HS6ST3: variants seen among roughly 807,000 people sequenced by gnomAD.
HS6ST3 encodes the protein heparan sulfate 6-O-sulfotransferase 3.
HS6ST3 carries 12 observed loss-of-function variants against 36.7 expected under a neutral mutation model. That is an observed-to-expected ratio of 0.33 (90% CI 0.21 to 0.53). HS6ST3 has a LOEUF of 0.53. HS6ST3 is among the 20% of genes least tolerant of loss of function. HS6ST3 has a pLI of 0.95. For missense variants in HS6ST3, 584 were observed against 640.9 expected (o/e 0.91, Z 0.96); for synonymous variants, 240 against 257.5 (o/e 0.93, Z 0.65).
At chr13:96,321,858 T>C (rs9554340) in intron 1 of HS6ST3, among the ~76,000 whole-genome samples, 55,042 of 151,994 alleles carry the variant, frequency 0.36, 10,301 homozygotes, top group African/African-American at 0.43. Flanking sequence ...GTTACAGCCA[T>C]GAATCTCAAA....
chr13:96,504,491 G>T (rs1321694418), intron 1 of HS6ST3, among the ~76,000 whole-genome samples: 1 of 152,084 alleles, frequency 6.6e-6, no homozygotes, highest in Non-Finnish European at 1.5e-5. Context: ...ATGTAGACAG[G>T]AAAAGGAGAC....
At chr13:96,266,992 CAT>C (rs1326267716) in intron 1 of HS6ST3, among the ~76,000 whole-genome samples, 1 of 152,190 alleles carries the variant, frequency 6.6e-6, no homozygotes, top group Non-Finnish European at 1.5e-5. Flanking sequence ...ATAATCACCA[CAT>C]GTCATGGGAG....
At chr13:96,251,043 G>A (rs2054605542) in intron 1 of HS6ST3, among the ~76,000 whole-genome samples, 1 of 152,156 alleles carries the variant, frequency 6.6e-6, no homozygotes, top group Admixed American at 6.5e-5. Context: ...ATACTGACCT[G>A]TAATTTTCTT....
At chr13:96,095,000 G>A (rs1394415546) in intron 1 of HS6ST3, among the ~76,000 whole-genome samples, 1 of 152,058 alleles carries the variant, frequency 6.6e-6, no homozygotes, top group East Asian at 1.9e-4. Context: ...TAGCATTCTT[G>A]AGTATATATA....
intron 1 of HS6ST3, among the ~76,000 whole-genome samples, chr13:96,743,868 G>T (rs1876501174): frequency 6.6e-6 from 1 of 151,988 alleles, no homozygotes; most frequent in African/African-American, 2.4e-5. Context: ...TTGGAGCATG[G>T]TACTACAAAT....
chr13:96,645,774 A>G (rs1335696592), intron 1 of HS6ST3, among the ~76,000 whole-genome samples: 1 of 151,796 alleles, frequency 6.6e-6, no homozygotes, highest in African/African-American at 2.4e-5. Context: ...CAGGCAAGAG[A>G]ATTTGAACTC....
intron 1 of HS6ST3, among the ~76,000 whole-genome samples, chr13:96,203,363 T>C (rs1338378032): frequency 2.6e-5 from 4 of 152,040 alleles, no homozygotes; most frequent in Non-Finnish European, 5.9e-5. Flanking sequence ...CCCTCTGGGG[T>C]CTCTTTTATC....
intron 1 of HS6ST3, among the ~76,000 whole-genome samples, chr13:96,423,176 C>T (rs1236311586): frequency 2.0e-5 from 3 of 152,124 alleles, no homozygotes; most frequent in African/African-American, 7.2e-5. Context: ...GAATGAGGGT[C>T]CCCTCTTCAT....
Position 96,091,099 on chromosome 13 carries a change from C to G in HS6ST3, c.237C>G (p.Pro79=). Residue 79 remains proline (P), a synonymous_variant, in exon 1 of 2, where the codon CCC becomes CCG. Coordinates refer to ENST00000376705, the MANE Select transcript of HS6ST3 (RefSeq NM_153456.4). ...TGCCCCCGCCGCCCCGGGGGCCCCCCGAGGGACCTCGGGGGGCCGCGGCGC... is the reference window on the plus strand; with the variant it reads ...TGCCCCCGCCGCCCCGGGGGCCCCCGGAGGGACCTCGGGGGGCCGCGGCGC... ...PQLPPPPRGP[P]EGPRGAAAPE... The G allele has an allele frequency of 1.5e-6, 2 of 1,358,418 alleles. No homozygotes were observed. Among genetic ancestry groups the G allele is most frequent in the Non-Finnish European group, 1.9e-6 (2 of 1,062,092 alleles). 84.1% of individuals were successfully genotyped at this position (1,358,418 alleles called of 1,614,324 possible).
At chr13:96,163,052 G>A (rs1322179940) in intron 1 of HS6ST3, among the ~76,000 whole-genome samples, 1 of 152,016 alleles carries the variant, frequency 6.6e-6, no homozygotes, top group Non-Finnish European at 1.5e-5. Context: ...CTAACAAGGG[G>A]TGGAATGATC....
At chr13:96,531,196 G>A (rs2056134087) in intron 1 of HS6ST3, among the ~76,000 whole-genome samples, 1 of 152,072 alleles carries the variant, frequency 6.6e-6, no homozygotes, top group Non-Finnish European at 1.5e-5. Flanking sequence ...TTGTAATAAA[G>A]TAAAAGTTCG....
intron 1 of HS6ST3, among the ~76,000 whole-genome samples, chr13:96,103,619 A>T (rs1566882432): frequency 2.0e-5 from 3 of 152,206 alleles, no homozygotes; most frequent in Non-Finnish European, 4.4e-5. Context: ...TTCGTAAATT[A>T]TACAGTACTG....
At chr13:96,574,482 C>T (rs769414579) in intron 1 of HS6ST3, 13 of 425,366 alleles carry the variant, frequency 3.1e-5, no homozygotes, top group Admixed American at 1.3e-4. Context: ...CTTCATGCCC[C>T]GCCCCCTACA....
intron 1 of HS6ST3, among the ~76,000 whole-genome samples, chr13:96,500,311 A>T (rs1313506848): frequency 6.6e-6 from 1 of 152,118 alleles, no homozygotes; most frequent in African/African-American, 2.4e-5. Context: ...ATATACCATA[A>T]TTTGTTTATT....
At chr13:96,198,983 T>A (rs1329012145) in intron 1 of HS6ST3, among the ~76,000 whole-genome samples, 1 of 152,192 alleles carries the variant, frequency 6.6e-6, no homozygotes, top group East Asian at 1.9e-4. Flanking sequence ...TTAATTAGAT[T>A]TACAGGTCCA....
chr13:96,234,056 TA>T (rs2139369089), intron 1 of HS6ST3, among the ~76,000 whole-genome samples: 1 of 151,774 alleles, frequency 6.6e-6, no homozygotes, highest in African/African-American at 2.4e-5. Flanking sequence ...GGATGCAACT[TA>T]TAAACAAGAC....
intron 1 of HS6ST3, among the ~76,000 whole-genome samples, chr13:96,664,156 A>G (rs2056655614): frequency 1.3e-5 from 2 of 152,306 alleles, no homozygotes; most frequent in South Asian, 4.1e-4. Flanking sequence ...ATCAAGTTGT[A>G]TAAAAAGGAA....
chr13:96,428,552 C>T (rs1261647822), intron 1 of HS6ST3, among the ~76,000 whole-genome samples: 1 of 152,084 alleles, frequency 6.6e-6, no homozygotes, highest in Non-Finnish European at 1.5e-5. Flanking sequence ...GTGTCCTAAC[C>T]TCCTCTTCTC....
At chr13:96,248,545 C>T (rs1461828347) in intron 1 of HS6ST3, among the ~76,000 whole-genome samples, 2 of 152,108 alleles carry the variant, frequency 1.3e-5, no homozygotes, top group Non-Finnish European at 2.9e-5. Flanking sequence ...GTACTGCATA[C>T]AAACATACTC....
Sources: gnomAD v4.1 joint callset for allele counts (sites outside exome capture counted in the v4.1 genomes callset) on GRCh38, gnomAD v4.1.1 for gene constraint, MANE v1.5 for transcripts, NCBI Gene and HGNC (gene_info 2026-07-23, HGNC 2026-07-21) for gene names.